Variants in AGAP1 observed in about 807,000 individuals in gnomAD.
The protein encoded by AGAP1 is ArfGAP with GTPase domain, ankyrin repeat and PH domain 1, also known as arf-GAP with GTPase, ANK repeat and PH domain-containing protein 1.
Under a neutral mutation model 105.3 loss-of-function variants are expected in AGAP1, and 29 were observed. The ratio of observed to expected loss-of-function variants is 0.28; its 90% CI spans 0.21 to 0.38. The LOEUF is 0.38. AGAP1 is among the 10% of genes least tolerant of loss of function. The pLI is 1.00. For synonymous variants in AGAP1, 509 were observed against 485.9 expected (o/e 1.05, Z -0.63); for missense variants, 998 against 1,165.1 (o/e 0.86, Z 2.09).
At position 236,107,305 on chromosome 2, in the gene AGAP1, T is replaced by C. The variant is rs540274605; in HGVS notation, c.2115-12887T>C. On this transcript the variant is annotated intron_variant, in intron 16 of 17. Coordinates refer to ENST00000304032, the MANE Select transcript of AGAP1 (RefSeq NM_001037131.3). Reference sequence around the variant, plus strand: ...CTGTGCTGGGTGCTTCCTGAGTGCTTGGCACATCTAGACACCAAACAGACC... The same window carrying C: ...CTGTGCTGGGTGCTTCCTGAGTGCTCGGCACATCTAGACACCAAACAGACC... Among the ~76,000 whole-genome samples, 9 of 152,274 alleles carry C rather than the reference T, an allele frequency of 5.9e-5. No individual in the cohort carries two copies. In the East Asian group the frequency reaches 1.4e-3, roughly 23 times the overall value.
At chr2:235,852,795 G>A (rs1373555988) in intron 9 of AGAP1, 1 of 1,532,718 alleles carries the variant, frequency 6.5e-7, no homozygotes, top group Admixed American at 2.1e-5. Flanking sequence ...GGTCAGACCA[G>A]CCCGCATTGT....
intron 1 of AGAP1, among the ~76,000 whole-genome samples, chr2:235,697,558 C>T (rs1387141094): frequency 3.3e-5 from 5 of 152,190 alleles, no homozygotes; most frequent in Non-Finnish European, 5.9e-5. Context: ...ACAGACTGTG[C>T]TCCCTTCACC....
rs913789089 is a variant in AGAP1, at chr2:235,669,754, G to C, written c.164-39425G>C. ...GCAGCCGGAGCGGGAGGATGCGCACGGGCCCCGCGTCGTAGACAATGAAGC... is the reference window on the plus strand; with the variant it reads ...GCAGCCGGAGCGGGAGGATGCGCACCGGCCCCGCGTCGTAGACAATGAAGC... On this transcript the variant is annotated intron_variant, in intron 1 of 17. Transcript: ENST00000304032. 4 of 148,036 alleles carry C rather than the reference G, an allele frequency of 2.7e-5. No individual in the cohort carries two copies. In the East Asian group the frequency reaches 5.9e-4, roughly 22 times the overall value. 9.2% of individuals were successfully genotyped at this position (148,036 alleles called of 1,614,324 possible).
intron 1 of AGAP1, among the ~76,000 whole-genome samples, chr2:235,632,719 C>T (rs61235536): frequency 0.28 from 42,410 of 151,982 alleles, 6,998 homozygotes; most frequent in South Asian, 0.42. Flanking sequence ...TTTAGGTGGC[C>T]GTGTTTCCCA....
chr2:235,738,562 TC>T lies in AGAP1; in HGVS notation c.311-2400del, dbSNP rs1432084651. Among the ~76,000 whole-genome samples the T allele has an allele frequency of 2.7e-3, 413 of 150,268 alleles. 1 individual carries two copies. The highest frequency in any genetic ancestry group is 9.6e-3 in the African/African-American group (384 of 40,156). On this transcript the variant is annotated intron_variant, in intron 3 of 17. Coordinates refer to ENST00000304032, the MANE Select transcript of AGAP1 (RefSeq NM_001037131.3). The stretch of plus-strand genomic sequence containing the variant: ...TGTTATTTTTCTTTCTTTCTTTCTT[TC>T]TTTTTTTTTTTTGAGACACAGTCTT...
rs1575561353 is a variant in AGAP1, at chr2:235,824,933, C to G, written c.1050+17602C>G. Among the ~76,000 whole-genome samples, 2 of 152,298 alleles carry G rather than the reference C, an allele frequency of 1.3e-5. No individual in the cohort carries two copies. Among genetic ancestry groups the G allele is most frequent in the South Asian group, 2.1e-4 (1 of 4,814 alleles). The stretch of plus-strand genomic sequence containing the variant: ...GGCGCTTTTCTGATTTTTCTTTCCC[C>G]CTAATGGAAACCTTCCTTTTTTTAT... On this transcript the variant is annotated intron_variant, in intron 9 of 17. Transcript: ENST00000304032. The surrounding 1 kb of genome is among the most constrained non-coding windows in gnomAD (Gnocchi z 5.2).
In AGAP1 at chr2:236,078,037, T is replaced by TTTTG; in HGVS notation, c.2114+28757_2114+28758insTTGT. Among the ~76,000 whole-genome samples, 1 of 140,506 alleles carries TTTTG rather than the reference T, an allele frequency of 7.1e-6. No individual in the cohort carries two copies. The highest frequency in any genetic ancestry group is 2.5e-4 in the South Asian group (1 of 4,006). The allele number at this position is 140,506 out of a possible 152,430, so 92.2% of individuals were successfully genotyped here. A position where few individuals can be genotyped will look rare whatever the true frequency, so the allele number is the denominator to read the frequency against. Reference sequence around the variant, plus strand: ...AGGGTTCTCCAGAGAAACAACCAATTTGTGTGTGTGTGTGTGTGTGTGTGT... The same window carrying TTTTG: ...AGGGTTCTCCAGAGAAACAACCAATTTTTGTGTGTGTGTGTGTGTGTGTGTGTGT... On this transcript the variant is annotated intron_variant, in intron 16 of 17. Coordinates refer to ENST00000304032, the MANE Select transcript of AGAP1 (RefSeq NM_001037131.3). The surrounding 1 kb of genome is among the most constrained non-coding windows in gnomAD (Gnocchi z 5.3).
intron 11 of AGAP1, among the ~76,000 whole-genome samples, chr2:235,920,469 C>G (rs2052127173): frequency 6.6e-6 from 1 of 152,100 alleles, no homozygotes; most frequent in Non-Finnish European, 1.5e-5. Context: ...TCTCTCCTTC[C>G]TTTCTTTTGT....
At position 235,642,246 on chromosome 2, in the gene AGAP1, G is replaced by A. The variant is rs769549010; in HGVS notation, c.164-66933G>A. On this transcript the variant is annotated intron_variant, in intron 1 of 17. Coordinates refer to ENST00000304032, the MANE Select transcript of AGAP1 (RefSeq NM_001037131.3). This position sits in a 1 kb window ranked among gnomAD's most constrained non-coding sequence, Gnocchi z 4.1. ...GCAATGGGATCTCTTTCCTGAGTGC[G>A]CATTTCTTTCCTCACATTTGGGGGC... is the stretch of plus-strand genomic sequence containing the variant. 1.8e-4 allele frequency among the ~76,000 whole-genome samples: 28 copies of A among 152,150 alleles called. No individual in the cohort carries two copies. Among genetic ancestry groups the A allele is most frequent in the Non-Finnish European group, 3.7e-4 (25 of 68,030 alleles).
chr2:235,895,478 C>T (rs184399304), intron 10 of AGAP1, among the ~76,000 whole-genome samples: 1 of 152,228 alleles, frequency 6.6e-6, no homozygotes, highest in Non-Finnish European at 1.5e-5. Flanking sequence ...TCTTTTCTGC[C>T]CCATCTCTTT....
At chr2:235,503,651 G>A (rs889245868) in intron 1 of AGAP1, among the ~76,000 whole-genome samples, 3 of 152,282 alleles carry the variant, frequency 2.0e-5, no homozygotes, top group Admixed American at 1.3e-4. Flanking sequence ...CTGAAGTGCA[G>A]TGGCACTATT....
chr2:235,899,363 A>C (rs2050954070), intron 10 of AGAP1, among the ~76,000 whole-genome samples: 1 of 152,136 alleles, frequency 6.6e-6, no homozygotes, highest in Non-Finnish European at 1.5e-5. Flanking sequence ...AAATACAAAA[A>C]TTAGCCAGGC....
intron 9 of AGAP1, among the ~76,000 whole-genome samples, chr2:235,880,230 G>C (rs1353185655): frequency 6.6e-6 from 1 of 152,042 alleles, no homozygotes; most frequent in Admixed American, 6.6e-5. Context: ...ACTGGGGGCA[G>C]GACAATTTTG....
In AGAP1 at chr2:236,020,237, C is replaced by T. The variant is rs933175565; in HGVS notation, c.1646-16324C>T. On this transcript the variant is annotated intron_variant, in intron 13 of 17. Transcript: ENST00000304032. This position sits in a 1 kb window ranked among gnomAD's most constrained non-coding sequence, Gnocchi z 5.0. ...GATGTGGAACATGGCCCCTGCATTG[C>T]TCCTTGCCTAGGACCAGTAAGCCCC... Among the ~76,000 whole-genome samples, 1 of 152,204 alleles carries T rather than the reference C, an allele frequency of 6.6e-6. No individual in the cohort carries two copies. The highest frequency in any genetic ancestry group is 2.1e-4 in the South Asian group (1 of 4,828).
At position 236,124,394 on chromosome 2, in the gene AGAP1, T is replaced by G; in HGVS notation, c.*272T>G. ...GAGAGAGCGACGGGCCTCGGCCCTT[T>G]GATGATAGCACATGGCGCAGGACCC... On this transcript the variant is annotated 3_prime_UTR_variant, in exon 18 of 18. Transcript: ENST00000304032. The surrounding 1 kb of genome is among the most constrained non-coding windows in gnomAD (Gnocchi z 5.1). The G allele has an allele frequency of 4.0e-6, 2 of 505,368 alleles. No individual in the cohort carries two copies. The highest frequency in any genetic ancestry group is 7.2e-6 in the Non-Finnish European group (2 of 277,042). The allele number at this position is 505,368 out of a possible 1,614,324, so 31.3% of individuals were successfully genotyped here. A position where few individuals can be genotyped will look rare whatever the true frequency, so the allele number is the denominator to read the frequency against.
chr2:236,106,502 T>G (rs971786528), intron 16 of AGAP1, among the ~76,000 whole-genome samples: 1 of 152,248 alleles, frequency 6.6e-6, no homozygotes, highest in African/African-American at 2.4e-5. Flanking sequence ...GGCACCACAC[T>G]TCTTCCAGCC....
In AGAP1 at chr2:236,090,802, C is replaced by G. The variant is rs563807466; in HGVS notation, c.2115-29390C>G. Among the ~76,000 whole-genome samples, 113 of 152,298 alleles carry G rather than the reference C, an allele frequency of 7.4e-4. No homozygotes were observed. Among genetic ancestry groups the G allele is most frequent in the African/African-American group, 2.7e-3 (113 of 41,560 alleles). On this transcript the variant is annotated intron_variant, in intron 16 of 17. Transcript: ENST00000304032. The surrounding 1 kb of genome is among the most constrained non-coding windows in gnomAD (Gnocchi z 4.3). The stretch of plus-strand genomic sequence containing the variant: ...TTGCCCAGCCTGGAGTGCAGTGGCA[C>G]GATCTTGGCTCACTGCAACCCCCGC...
chr2:235,518,284 C>G (rs570263190), intron 1 of AGAP1, among the ~76,000 whole-genome samples: 11 of 152,328 alleles, frequency 7.2e-5, no homozygotes, highest in African/African-American at 2.6e-4. Flanking sequence ...TCTCAAAACC[C>G]AGCTTTGGGC....
Position 235,752,022 on chromosome 2 carries a change from A to AGG in AGAP1, c.673+1535_673+1536dup, listed in dbSNP as rs1953483803. 5.3e-5 allele frequency among the ~76,000 whole-genome samples: 8 copies of AGG among 152,314 alleles called. No homozygotes were observed. The highest frequency in any genetic ancestry group is 1.9e-4 in the African/African-American group (8 of 41,570). ...TGAGACTTGGAAGAACTGTGCAGGGAGGCCCTTAGAGCTCTTCTGAGAGGT... is the reference window on the plus strand; with the variant it reads ...TGAGACTTGGAAGAACTGTGCAGGGAGGGGCCCTTAGAGCTCTTCTGAGAGGT... On this transcript the variant is annotated intron_variant, in intron 6 of 17. Transcript: ENST00000304032. This position sits in a 1 kb window ranked among gnomAD's most constrained non-coding sequence, Gnocchi z 4.3.
Sources: allele counts gnomAD v4.1 joint callset (sites outside exome capture counted in the v4.1 genomes callset), GRCh38; gene constraint gnomAD v4.1.1; non-coding constraint Gnocchi (gnomAD v3.1); transcripts MANE v1.5; gene names NCBI Gene and HGNC (gene_info 2026-07-23, HGNC 2026-07-21).